AGMO: variants seen among roughly 807,000 people sequenced by gnomAD.
The protein encoded by AGMO is alkylglycerol monooxygenase.
Under a neutral mutation model 60.2 loss-of-function variants are expected in AGMO, and 75 were observed. The ratio of observed to expected loss-of-function variants is 1.25; its 90% CI spans 1.03 to 1.51. The LOEUF (loss-of-function observed/expected upper bound fraction) is 1.51, where lower values mean the gene tolerates loss of function less well. AGMO is among the 40% of genes most tolerant of loss of function. The pLI, the probability that AGMO is intolerant of heterozygous loss-of-function variation, is 0.00. For missense variants in AGMO, 763 were observed against 525.5 expected (o/e 1.45, Z -4.42); for synonymous variants, 261 against 177.1 (o/e 1.47, Z -3.76).
In AGMO at chr7:15,230,688, A is replaced by G. The variant is rs1583310939; in HGVS notation, c.1264-29329T>C. ...GGTGGCTCTGCAGAAACCTCCTTATAAGGGAAAGAGAGAGAAATCTCAAAG... is the reference window on the plus strand; with the variant it reads ...GGTGGCTCTGCAGAAACCTCCTTATGAGGGAAAGAGAGAGAAATCTCAAAG... On this transcript the variant is annotated intron_variant, in intron 12 of 12. Transcript: ENST00000342526. Among the ~76,000 whole-genome samples the G allele has an allele frequency of 4.6e-5, 7 of 152,160 alleles. 1 individual carries two copies. The South Asian group carries it at 1.5e-3, about 32-fold the overall frequency.
intron 5 of AGMO, among the ~76,000 whole-genome samples, chr7:15,394,485 A>T (rs867814649): frequency 1.3e-5 from 2 of 152,190 alleles, no homozygotes; most frequent in African/African-American, 4.8e-5. Context: ...CTAGGTTTTC[A>T]TATCTCAATT....
the AGMO span, among the ~76,000 whole-genome samples, chr7:15,117,745 G>T: frequency 6.6e-6 from 1 of 151,974 alleles, no homozygotes; most frequent in Non-Finnish European, 1.5e-5. Flanking sequence ...CTTATCTACT[G>T]TTACGTCCAA....
chr7:15,166,712 TG>T, the AGMO span, among the ~76,000 whole-genome samples: 9 of 152,102 alleles, frequency 5.9e-5, no homozygotes, highest in African/African-American at 2.2e-4. Flanking sequence ...AGGTGATGAG[TG>T]GTCACATTCT....
At chr7:15,237,891 T>C (rs1782475679) in intron 12 of AGMO, among the ~76,000 whole-genome samples, 1 of 152,080 alleles carries the variant, frequency 6.6e-6, no homozygotes, top group Non-Finnish European at 1.5e-5. Flanking sequence ...TTCTTGACAA[T>C]TTTACAACTC....
At chr7:15,125,849 T>A in the AGMO span, among the ~76,000 whole-genome samples, 524 of 152,240 alleles carry the variant, frequency 3.4e-3, 10 homozygotes, top group Admixed American at 0.032. Context: ...AATTATTTAG[T>A]CTCTGTGAAT....
At chr7:15,177,176 A>C in the AGMO span, among the ~76,000 whole-genome samples, 1 of 152,118 alleles carries the variant, frequency 6.6e-6, no homozygotes, top group African/African-American at 2.4e-5. Flanking sequence ...TAGAAATTAA[A>C]GGGCATAGCT....
At chr7:15,350,895 G>C (rs930687104) in intron 12 of AGMO, among the ~76,000 whole-genome samples, 1 of 152,156 alleles carries the variant, frequency 6.6e-6, no homozygotes, top group Non-Finnish European at 1.5e-5. Context: ...ATTTTGGAGA[G>C]ACAGTAATTA....
intron 12 of AGMO, among the ~76,000 whole-genome samples, chr7:15,305,108 T>C (rs1339645139): frequency 2.6e-5 from 4 of 151,958 alleles, no homozygotes; most frequent in South Asian, 4.1e-4. Context: ...TAACTTGTGG[T>C]AGCACCTATC....
intron 10 of AGMO, 92 bp from the exon 11 acceptor site, chr7:15,366,314 A>G: frequency 2.4e-6 from 2 of 842,922 alleles, no homozygotes; most frequent in African/African-American, 1.7e-5. Flanking sequence ...CCCAAATTTT[A>G]TGTCCTGTTG....
intron 3 of AGMO, among the ~76,000 whole-genome samples, chr7:15,532,228 C>G (rs1018915815): frequency 6.6e-6 from 1 of 152,072 alleles, no homozygotes; most frequent in Non-Finnish European, 1.5e-5. Context: ...ATATATGTCA[C>G]CATGATCTAA....
rs141201341 is a variant in AGMO, at chr7:15,382,904, TTA to T, written c.1074+2540_1074+2541del. 2.6e-3 allele frequency among the ~76,000 whole-genome samples: 401 copies of T among 152,268 alleles called. 1 individual carries two copies. Among genetic ancestry groups the T allele is most frequent in the African/African-American group, 9.1e-3 (377 of 41,560 alleles). ...TTGAAAACAAGTTCAAATCACGTATTTATGTGTGATAACATCTATTGTTATAT... is the reference window on the plus strand; with the variant it reads ...TTGAAAACAAGTTCAAATCACGTATTTGTGTGATAACATCTATTGTTATAT... On this transcript the variant is annotated intron_variant, in intron 10 of 12. Transcript: ENST00000342526.
chr7:15,182,450 C>T, the AGMO span, among the ~76,000 whole-genome samples: 31 of 152,330 alleles, frequency 2.0e-4, no homozygotes, highest in African/African-American at 7.2e-4. Context: ...AGATGTCACT[C>T]TGTTGCCCAG....
intron 3 of AGMO, among the ~76,000 whole-genome samples, chr7:15,530,689 T>C (rs1389016902): frequency 7.1e-6 from 1 of 140,658 alleles, no homozygotes; most frequent in Non-Finnish European, 1.5e-5. Flanking sequence ...TCTATATATG[T>C]ATTTCTACAT....
intron 3 of AGMO, among the ~76,000 whole-genome samples, chr7:15,436,084 A>G (rs756579824): frequency 1.6e-4 from 25 of 152,186 alleles, no homozygotes; most frequent in Admixed American, 4.6e-4. Context: ...TTATAAAGGA[A>G]GAAATATTAT....
chr7:15,458,957 T>C (rs904310688), intron 3 of AGMO, among the ~76,000 whole-genome samples: 1 of 152,158 alleles, frequency 6.6e-6, no homozygotes, highest in Non-Finnish European at 1.5e-5. Context: ...GCATACAAAA[T>C]TACCTTTTTT....
At chr7:15,253,832 G>A (rs1362280693) in intron 12 of AGMO, among the ~76,000 whole-genome samples, 1 of 152,088 alleles carries the variant, frequency 6.6e-6, no homozygotes, top group African/African-American at 2.4e-5. Flanking sequence ...TCATTGACAA[G>A]CCTCTTCCCA....
chr7:15,215,589 T>C (rs571228193), intron 12 of AGMO, among the ~76,000 whole-genome samples: 1 of 152,230 alleles, frequency 6.6e-6, no homozygotes, highest in East Asian at 1.9e-4. Context: ...TGGTACTATA[T>C]GGTTAGAGAT....
intron 3 of AGMO, among the ~76,000 whole-genome samples, chr7:15,433,869 A>G (rs1781325310): frequency 6.6e-6 from 1 of 152,000 alleles, no homozygotes; most frequent in Non-Finnish European, 1.5e-5. Context: ...TTATTAATAT[A>G]TTGGCCAACA....
chr7:15,475,634 T>C (rs7781014), intron 3 of AGMO, among the ~76,000 whole-genome samples: 46,351 of 151,832 alleles, frequency 0.31, 7,641 homozygotes, highest in East Asian at 0.6. Context: ...TGTGTATACC[T>C]ATGTAACAAA....
Sources: allele counts gnomAD v4.1 joint callset (sites outside exome capture counted in the v4.1 genomes callset), GRCh38; gene constraint gnomAD v4.1.1; transcripts MANE v1.5; gene names NCBI Gene and HGNC (gene_info 2026-07-23, HGNC 2026-07-21).